Variants in TNRC6B observed in about 807,000 individuals in gnomAD.
TNRC6B encodes the protein trinucleotide repeat containing adaptor 6B.
TNRC6B carries 52 observed loss-of-function variants against 203.6 expected under a neutral mutation model. That is an observed-to-expected ratio of 0.26 (90% CI 0.20 to 0.32). The LOEUF (loss-of-function observed/expected upper bound fraction) is 0.32, where lower values mean the gene tolerates loss of function less well. TNRC6B is among the 10% of genes least tolerant of loss of function. The pLI, the probability that TNRC6B is intolerant of heterozygous loss-of-function variation, is 1.00. For synonymous variants in TNRC6B, 838 were observed against 845.7 expected (o/e 0.99, Z 0.16); for missense variants, 1,923 against 2,286.2 (o/e 0.84, Z 3.24).
At chr22:40,060,200 CTTT>C (rs112050371) in intron 1 of TNRC6B, among the ~76,000 whole-genome samples, 27 of 132,082 alleles carry the variant, frequency 2.0e-4, no homozygotes, top group African/African-American at 7.1e-4. Context: ...ATGCACATGA[CTTT>C]TTTTTTTATT....
At chr22:40,207,169 G>A (rs1601883580) in intron 1 of TNRC6B, among the ~76,000 whole-genome samples, 1 of 152,026 alleles carries the variant, frequency 6.6e-6, no homozygotes, top group Middle Eastern at 3.4e-3. Context: ...ATACCAAATG[G>A]ATTCAGATAA....
At chr22:40,170,410 TAG>T (rs2068965114) in intron 4 of TNRC6B, among the ~76,000 whole-genome samples, 1 of 34,326 alleles carries the variant, frequency 2.9e-5, no homozygotes, top group South Asian at 1.1e-3. Context: ...ATTATATATA[TAG>T]TTTATATATA....
intron 12 of TNRC6B, 82 bp downstream of exon 12, chr22:40,285,852 T>C (rs1471789582): frequency 1.3e-6 from 2 of 1,523,778 alleles, no homozygotes; most frequent in Non-Finnish European, 1.8e-6. Context: ...TTTGTGGGCA[T>C]AAAAAGAATG....
At chr22:40,175,183 C>T (rs1408710442), upstream of TNRC6B, among the ~76,000 whole-genome samples, 1 of 151,310 alleles carries the variant, frequency 6.6e-6, no homozygotes, top group Non-Finnish European at 1.5e-5. Flanking sequence ...ATGGTGAAAC[C>T]CTGTCTCTAT....
At chr22:40,072,471 A>C (rs981915458) in intron 1 of TNRC6B, among the ~76,000 whole-genome samples, 1 of 152,212 alleles carries the variant, frequency 6.6e-6, no homozygotes, top group African/African-American at 2.4e-5. Flanking sequence ...TTAAACATGA[A>C]TGTCCTTTTT....
chr22:40,097,667 C>T (rs1330747962), intron 1 of TNRC6B, among the ~76,000 whole-genome samples: 1 of 95,318 alleles, frequency 1.0e-5, no homozygotes, highest in Non-Finnish European at 2.0e-5. Flanking sequence ...TCAGGTATAT[C>T]ATACACACAC....
intron 12 of TNRC6B, among the ~76,000 whole-genome samples, chr22:40,289,239 G>C (rs2146532579): frequency 6.6e-6 from 1 of 152,088 alleles, no homozygotes; most frequent in South Asian, 2.1e-4. Flanking sequence ...CCACGATCAA[G>C]CCACTGCACT....
At chr22:40,166,882 G>A (rs1482540143) in intron 4 of TNRC6B, among the ~76,000 whole-genome samples, 2 of 137,588 alleles carry the variant, frequency 1.5e-5, no homozygotes, top group African/African-American at 5.9e-5. Flanking sequence ...GTGACGGAGT[G>A]AGACTTTGTC....
chr22:40,315,856 T>G, intron 20 of TNRC6B, 86 bp from the exon 21 acceptor site: 5 of 1,002,412 alleles, frequency 5.0e-6, no homozygotes, highest in African/African-American at 1.6e-5. Flanking sequence ...AGAAGAAATG[T>G]GAGCTACATG....
intron 1 of TNRC6B, among the ~76,000 whole-genome samples, chr22:40,116,055 G>C (rs1376823394): frequency 6.6e-6 from 1 of 152,222 alleles, no homozygotes; most frequent in Non-Finnish European, 1.5e-5. Flanking sequence ...ACAGATAGCA[G>C]GGCAGTGAGG....
At position 40,264,135 on chromosome 22, in the gene TNRC6B, G is replaced by C. The variant is rs575605210; in HGVS notation, c.458-553G>C. Among the ~76,000 whole-genome samples the C allele has an allele frequency of 2.6e-5, 4 of 152,314 alleles. No individual in the cohort carries two copies. The East Asian group carries it at 7.7e-4, about 29-fold the overall frequency. Reference sequence around the variant, plus strand: ...CGTGAAATGGTGCCAGAGTGAGAAGGCACAAGTTGTGGAATGTCAAGTAGT... The same window carrying C: ...CGTGAAATGGTGCCAGAGTGAGAAGCCACAAGTTGTGGAATGTCAAGTAGT... On this transcript the variant is annotated intron_variant, in intron 4 of 22. Transcript: ENST00000454349.
At chr22:40,154,864 T>A (rs866145645) in intron 3 of TNRC6B, among the ~76,000 whole-genome samples, 760 of 29,044 alleles carry the variant, frequency 0.026, 4 homozygotes, top group African/African-American at 0.071. Context: ...AAAAAAAATA[T>A]ATATATATAT....
chr22:40,056,564 T>C (rs1317361209), intron 1 of TNRC6B, among the ~76,000 whole-genome samples: 1 of 151,798 alleles, frequency 6.6e-6, no homozygotes, highest in African/African-American at 2.4e-5. Context: ...GAAGCCAGAG[T>C]AAGAGGATCA....
chr22:40,245,931 C>A, intron 1 of TNRC6B, 84 bp from the exon 2 acceptor site: 1 of 1,027,508 alleles, frequency 9.7e-7, no homozygotes, highest in Non-Finnish European at 1.4e-6. Context: ...TCGTCTTGCC[C>A]ACCACTTACA....
At chr22:40,288,839 C>CTTTTT (rs1224962691) in intron 12 of TNRC6B, among the ~76,000 whole-genome samples, 1 of 105,108 alleles carries the variant, frequency 9.5e-6, no homozygotes, top group Non-Finnish European at 1.9e-5. Flanking sequence ...CTGTGCCCAG[C>CTTTTT]TTTTTTTTTT....
chr22:40,080,379 G>A (rs879741476), intron 1 of TNRC6B, among the ~76,000 whole-genome samples: 32 of 151,750 alleles, frequency 2.1e-4, no homozygotes, highest in African/African-American at 7.5e-4. Context: ...GTTTATTTTT[G>A]CATTCTGTTT....
rs2071400264 is a variant in TNRC6B, at chr22:40,326,232, A to G, written c.*2991A>G. On this transcript the variant is annotated 3_prime_UTR_variant, in exon 23 of 23. Transcript: ENST00000454349. The stretch of plus-strand genomic sequence containing the variant: ...GGTTTATTTAACCATATCTTATCCT[A>G]GAGAGATGGCTGTTTCTTTCCTGTT... 6.6e-6 allele frequency: 1 copy of G among 152,596 alleles called. No homozygotes were observed. The highest frequency in any genetic ancestry group is 1.9e-4 in the East Asian group (1 of 5,200). The allele number at this position is 152,596 out of a possible 1,614,324, so 9.5% of individuals were successfully genotyped here.
intron 5 of TNRC6B, among the ~76,000 whole-genome samples, chr22:40,268,351 G>T (rs909652914): frequency 2.0e-5 from 3 of 152,170 alleles, no homozygotes; most frequent in Non-Finnish European, 4.4e-5. Context: ...CTACCAAAGT[G>T]CTGGGATTAC....
At chr22:40,257,660 G>C (rs958052725) in intron 3 of TNRC6B, among the ~76,000 whole-genome samples, 10 of 151,820 alleles carry the variant, frequency 6.6e-5, no homozygotes, top group Admixed American at 2.6e-4. Flanking sequence ...AGGTTGCAGA[G>C]AGCCGAGATC....
Sources: allele counts gnomAD v4.1 joint callset (sites outside exome capture counted in the v4.1 genomes callset), GRCh38; gene constraint gnomAD v4.1.1; transcripts MANE v1.5; gene names NCBI Gene and HGNC (gene_info 2026-07-23, HGNC 2026-07-21).